The following TMEM123 variants were observed in gnomAD, a reference collection of about 807,000 sequenced individuals.
TMEM123 encodes transmembrane protein 123.
Under a neutral mutation model 19.7 loss-of-function variants are expected in TMEM123, and 16 were observed. The ratio of observed to expected loss-of-function variants is 0.81; its 90% CI spans 0.55 to 1.23. TMEM123 has a LOEUF of 1.23. TMEM123 is among the 50% of genes most tolerant of loss of function. TMEM123 has a pLI of 0.00. For missense variants in TMEM123, 313 were observed against 257.8 expected, an observed-to-expected ratio of 1.21 and a Z score of -1.47; for synonymous variants, 118 against 99.4, an observed-to-expected ratio of 1.19 and a Z score of -1.12.
chr11:102,421,780 T>C (rs951174224), intron 2 of TMEM123, among the ~76,000 whole-genome samples: 5 of 152,150 alleles, frequency 3.3e-5, no homozygotes, highest in Non-Finnish European at 7.3e-5. Flanking sequence ...GAAGCAAATA[T>C]TGAACATATG....
At chr11:102,417,413 CA>C (rs756022162) in intron 2 of TMEM123, among the ~76,000 whole-genome samples, 1 of 152,066 alleles carries the variant, frequency 6.6e-6, no homozygotes, top group Non-Finnish European at 1.5e-5. Context: ...TCCCTTCCCC[CA>C]CCACAAACAT....
chr11:102,409,880 C>T (rs1951988773), intron 2 of TMEM123, among the ~76,000 whole-genome samples: 1 of 147,802 alleles, frequency 6.8e-6, no homozygotes, highest in Non-Finnish European at 1.5e-5. Flanking sequence ...AACAAACAAA[C>T]TAGATAAATC....
chr11:102,430,622 G>C (rs761647004), intron 2 of TMEM123, among the ~76,000 whole-genome samples: 2 of 152,206 alleles, frequency 1.3e-5, no homozygotes, highest in African/African-American at 4.8e-5. Context: ...TCATGGCAGA[G>C]AGGGCAGAGA....
chr11:102,434,981 A>C (rs1857747813), intron 2 of TMEM123, among the ~76,000 whole-genome samples: 1 of 151,910 alleles, frequency 6.6e-6, no homozygotes, highest in Admixed American at 6.6e-5. Flanking sequence ...TCACCACAAT[A>C]TACAATAGCT....
intron 2 of TMEM123, among the ~76,000 whole-genome samples, chr11:102,411,997 C>T (rs996522176): frequency 2.6e-5 from 4 of 152,190 alleles, no homozygotes; most frequent in Non-Finnish European, 5.9e-5. Context: ...CACCTATCCC[C>T]TAGCAGGCAG....
In TMEM123 at chr11:102,402,055, G is replaced by T; in HGVS notation, c.309C>A (p.Val103=). ...AGGTGGTAGAAGTCATATTTGTTGA[G>T]ACCATCCCTGGTGTTGTTGTATTAG... The part of the protein sequence containing the change: ...AASNTTTPGM[V]STNMTSTTLK... The change falls in exon 3 of 5, where the codon GTC becomes GTA. Residue 103 remains valine, a synonymous_variant. Transcript: ENST00000398136. 6.2e-7 allele frequency: 1 copy of T among 1,614,116 alleles called. No individual in the cohort carries two copies. The highest frequency in any genetic ancestry group is 1.1e-5 in the South Asian group (1 of 91,072).
chr11:102,437,316 G>A (rs1857773123), intron 2 of TMEM123, among the ~76,000 whole-genome samples: 1 of 151,986 alleles, frequency 6.6e-6, no homozygotes, highest in African/African-American at 2.4e-5. Flanking sequence ...AAAATTAGCT[G>A]GGTGCGGTGG....
chr11:102,429,294 T>C (rs74906194), intron 2 of TMEM123, among the ~76,000 whole-genome samples: 85 of 152,336 alleles, frequency 5.6e-4, no homozygotes, highest in African/African-American at 1.9e-3. Flanking sequence ...ATTTTAACAA[T>C]ATGAAATTTA....
Position 102,433,904 on chromosome 11 carries a change from A to G in TMEM123, c.157+14908T>C, listed in dbSNP as rs1018066314. Among the ~76,000 whole-genome samples the G allele has an allele frequency of 3.3e-5, 5 of 151,578 alleles. 1 individual carries two copies. The highest frequency in any genetic ancestry group is 5.9e-5 in the Non-Finnish European group (4 of 67,794). The stretch of plus-strand genomic sequence containing the variant: ...TGAAGAGGTGCCTTCTGCCATGATT[A>G]TAAGTTTCCTGAGGCCTCCCTAGCC... On this transcript the variant is annotated intron_variant, in intron 2 of 4. Transcript: ENST00000398136.
At chr11:102,402,550 C>T (rs1199673031) in intron 2 of TMEM123, among the ~76,000 whole-genome samples, 1 of 152,026 alleles carries the variant, frequency 6.6e-6, no homozygotes, top group Non-Finnish European at 1.5e-5. Context: ...ACATAATAGG[C>T]TTTCAACAAA....
chr11:102,401,253 G>A (rs1447996778), intron 4 of TMEM123, among the ~76,000 whole-genome samples: 1 of 152,168 alleles, frequency 6.6e-6, no homozygotes, highest in Non-Finnish European at 1.5e-5. Context: ...ATTGGTATGA[G>A]TAAGTGAAAA....
At chr11:102,449,675 A>T (rs1474408487) in intron 1 of TMEM123, among the ~76,000 whole-genome samples, 1 of 152,236 alleles carries the variant, frequency 6.6e-6, no homozygotes, top group Non-Finnish European at 1.5e-5. Context: ...TATTTATCAC[A>T]AAAGGATACA....
intron 2 of TMEM123, among the ~76,000 whole-genome samples, chr11:102,434,094 T>C (rs1263662083): frequency 6.6e-6 from 1 of 151,980 alleles, no homozygotes; most frequent in Non-Finnish European, 1.5e-5. Flanking sequence ...TTCCAGTCTT[T>C]TGTATAAATA....
At chr11:102,398,912 C>A (rs1234362517) in intron 4 of TMEM123, 21 bp from the exon 5 acceptor site, 5 of 1,600,500 alleles carry the variant, frequency 3.1e-6, no homozygotes, top group South Asian at 2.3e-5. Context: ...TTAAAAGTTA[C>A]AATTACTTTG....
At chr11:102,409,597 T>C (rs943164506) in intron 2 of TMEM123, among the ~76,000 whole-genome samples, 13 of 151,594 alleles carry the variant, frequency 8.6e-5, no homozygotes, top group African/African-American at 3.2e-4. Context: ...CCGGGTGTGG[T>C]GGCTCATACC....
chr11:102,444,861 C>T (rs1451310603), intron 2 of TMEM123, among the ~76,000 whole-genome samples: 1 of 152,076 alleles, frequency 6.6e-6, no homozygotes, highest in Non-Finnish European at 1.5e-5. Context: ...GAGTTCATGT[C>T]CTTTGTAGGG....
At position 102,398,709 on chromosome 11, in the gene TMEM123, G is replaced by A. The variant is rs1591551539; in HGVS notation, c.*158C>T. The A allele has an allele frequency of 1.4e-6, 1 of 711,726 alleles. No individual in the cohort carries two copies. Among genetic ancestry groups the A allele is most frequent in the Non-Finnish European group, 2.3e-6 (1 of 442,252 alleles). The allele number at this position is 711,726 out of a possible 1,614,324, so 44.1% of individuals were successfully genotyped here. A position where few individuals can be genotyped will look rare whatever the true frequency, so the allele number is the denominator to read the frequency against. On this transcript the variant is annotated 3_prime_UTR_variant, in exon 5 of 5. Coordinates refer to ENST00000398136, the MANE Select transcript of TMEM123 (RefSeq NM_052932.3). ...TCAAAACCCAAACCCTTGTTACCTT[G>A]AAGAATCTTTACATATTTACGTAAT...
intron 1 of TMEM123, 191 bp from the exon 2 acceptor site, chr11:102,449,059 C>G (rs1007439524): frequency 1.3e-5 from 7 of 542,620 alleles, no homozygotes; most frequent in Non-Finnish European, 2.0e-5. Context: ...ACTGTATTAC[C>G]AGGTTTTTCA....
chr11:102,427,841 T>TA (rs573686519), intron 2 of TMEM123, among the ~76,000 whole-genome samples: 150 of 141,286 alleles, frequency 1.1e-3, no homozygotes, highest in East Asian at 3.7e-3. Flanking sequence ...CTGTTTCAAT[T>TA]AAAAAAAAAA....
Sources: allele counts gnomAD v4.1 joint callset (sites outside exome capture counted in the v4.1 genomes callset), GRCh38; gene constraint gnomAD v4.1.1; transcripts MANE v1.5; gene names NCBI Gene and HGNC (gene_info 2026-07-23, HGNC 2026-07-21).